The following PRKAR2A variants were observed in gnomAD, a reference collection of about 807,000 sequenced individuals.
PRKAR2A encodes the protein protein kinase cAMP-dependent type II regulatory subunit alpha, also known as cAMP-dependent protein kinase type II-alpha regulatory subunit.
A neutral mutation model predicts 51.9 loss-of-function variants in PRKAR2A; 29 were observed. The ratio of observed to expected loss-of-function variants is 0.56; its 90% CI spans 0.42 to 0.76. The LOEUF (loss-of-function observed/expected upper bound fraction) is 0.76, where lower values mean the gene tolerates loss of function less well. Ranked by LOEUF, PRKAR2A falls within the 30% of genes least tolerant of loss-of-function variation. PRKAR2A has a pLI of 0.00. For synonymous variants in PRKAR2A, 178 were observed against 186.2 expected, an observed-to-expected ratio of 0.96 and a Z score of 0.36; for missense variants, 445 against 512.1, an observed-to-expected ratio of 0.87 and a Z score of 1.26.
At chr3:48,800,214 A>C (rs1463088918) in intron 2 of PRKAR2A, among the ~76,000 whole-genome samples, 1 of 151,452 alleles carries the variant, frequency 6.6e-6, no homozygotes, top group African/African-American at 2.4e-5. Flanking sequence ...CTCAAAGATA[A>C]TTAATACTAA....
In PRKAR2A at chr3:48,753,993, G is replaced by T. The variant is rs538768876; in HGVS notation, c.940-1676C>A. 7.3e-5 allele frequency among the ~76,000 whole-genome samples: 11 copies of T among 151,304 alleles called. No homozygotes were observed. In the East Asian group the frequency reaches 2.1e-3, roughly 29 times the overall value. On this transcript the variant is annotated intron_variant, in intron 9 of 10. Transcript: ENST00000265563. Reference sequence around the variant, plus strand: ...GCTCACTGCAAGCTCTGCCTCCTGGGCTCATGCCATTCTCCTGCCTCAGCC... The same window carrying T: ...GCTCACTGCAAGCTCTGCCTCCTGGTCTCATGCCATTCTCCTGCCTCAGCC...
chr3:48,794,206 C>T (rs1454140461), intron 2 of PRKAR2A, among the ~76,000 whole-genome samples, 157 bp from the exon 3 acceptor site: 1 of 149,754 alleles, frequency 6.7e-6, no homozygotes, highest in Non-Finnish European at 1.5e-5. Flanking sequence ...GGCTGGAGTA[C>T]AGTGGCACAA....
At chr3:48,790,679 C>A in intron 3 of PRKAR2A, 52 bp from the exon 4 acceptor site, 1 of 1,152,970 alleles carries the variant, frequency 8.7e-7, no homozygotes, top group Non-Finnish European at 1.2e-6. Flanking sequence ...TTTAAAATAA[C>A]CACTTAAAGA....
At chr3:48,817,552 CAGG>C (rs1210449062) in intron 1 of PRKAR2A, among the ~76,000 whole-genome samples, 1 of 151,538 alleles carries the variant, frequency 6.6e-6, no homozygotes, top group Admixed American at 6.6e-5. Flanking sequence ...GAGGCTGAGG[CAGG>C]AGAATTGCTT....
At chr3:48,832,881 A>G (rs1190352065) in intron 1 of PRKAR2A, among the ~76,000 whole-genome samples, 1 of 152,288 alleles carries the variant, frequency 6.6e-6, no homozygotes, top group East Asian at 1.9e-4. Flanking sequence ...GCTAAAAACT[A>G]AGGCTGCTGT....
chr3:48,840,430 G>C (rs1247372135), intron 1 of PRKAR2A, among the ~76,000 whole-genome samples: 1 of 151,938 alleles, frequency 6.6e-6, no homozygotes, highest in Non-Finnish European at 1.5e-5. Context: ...AGGAGGTGGA[G>C]GTTGCAGTGA....
intron 1 of PRKAR2A, among the ~76,000 whole-genome samples, chr3:48,839,952 C>G (rs547201070): frequency 3.3e-5 from 5 of 152,228 alleles, no homozygotes; most frequent in African/African-American, 1.2e-4. Flanking sequence ...CAACCATCAC[C>G]ATTATCCAAC....
intron 1 of PRKAR2A, among the ~76,000 whole-genome samples, chr3:48,814,545 T>C (rs2082841812): frequency 6.6e-6 from 1 of 152,238 alleles, no homozygotes; most frequent in Non-Finnish European, 1.5e-5. Context: ...GTTTTCAACA[T>C]TTTAAGAAAA....
intron 1 of PRKAR2A, among the ~76,000 whole-genome samples, chr3:48,844,919 A>G (rs923045390): frequency 1.3e-5 from 2 of 151,754 alleles, no homozygotes; most frequent in African/African-American, 2.4e-5. Context: ...AGCATGGCAC[A>G]TGTATACATA....
chr3:48,843,774 G>A (rs1330733019), intron 1 of PRKAR2A, among the ~76,000 whole-genome samples: 4 of 152,170 alleles, frequency 2.6e-5, no homozygotes, highest in Middle Eastern at 6.8e-3. Context: ...GGGAAAACTG[G>A]CTAGCCATAT....
At chr3:48,781,117 T>C (rs1273712295) in intron 5 of PRKAR2A, among the ~76,000 whole-genome samples, 1 of 148,708 alleles carries the variant, frequency 6.7e-6, no homozygotes, top group Non-Finnish European at 1.5e-5. Flanking sequence ...ACCACAGGCG[T>C]GCACCACCAT....
chr3:48,792,886 G>A (rs2082413519), intron 3 of PRKAR2A, among the ~76,000 whole-genome samples: 1 of 151,814 alleles, frequency 6.6e-6, no homozygotes, highest in Non-Finnish European at 1.5e-5. Flanking sequence ...CCGAATTCAC[G>A]TCACTGCACT....
intron 1 of PRKAR2A, among the ~76,000 whole-genome samples, chr3:48,815,191 C>T (rs1450990375): frequency 3.9e-5 from 6 of 151,928 alleles, no homozygotes; most frequent in South Asian, 2.1e-4. Flanking sequence ...TGGAATTACA[C>T]GCGTTAGCCA....
At chr3:48,758,091 T>C (rs2081801293) in intron 8 of PRKAR2A, among the ~76,000 whole-genome samples, 1 of 150,146 alleles carries the variant, frequency 6.7e-6, no homozygotes, top group Non-Finnish European at 1.5e-5. Context: ...CATACATACA[T>C]ACATACATAC....
intron 3 of PRKAR2A, among the ~76,000 whole-genome samples, chr3:48,792,919 A>G (rs1208414348): frequency 6.6e-6 from 1 of 151,572 alleles, no homozygotes; most frequent in Non-Finnish European, 1.5e-5. Context: ...ACAGTGCGAG[A>G]CTCTGTCTCA....
intron 6 of PRKAR2A, among the ~76,000 whole-genome samples, chr3:48,766,918 T>A (rs2081950169): frequency 6.6e-6 from 1 of 152,110 alleles, no homozygotes; most frequent in Non-Finnish European, 1.5e-5. Context: ...GGTCAAGTGA[T>A]CTCCCCACCT....
intron 2 of PRKAR2A, among the ~76,000 whole-genome samples, chr3:48,807,233 A>G (rs1241877797): frequency 6.6e-6 from 1 of 152,110 alleles, no homozygotes; most frequent in Admixed American, 6.6e-5. Context: ...ACAAAACAAG[A>G]CAGAAAAAGC....
intron 9 of PRKAR2A, 36 bp from the exon 10 acceptor site, chr3:48,752,353 C>A (rs1479628088): frequency 1.2e-6 from 2 of 1,602,374 alleles, no homozygotes; most frequent in Non-Finnish European, 1.7e-6. Context: ...AGGCTGACTC[C>A]AGGATCACAG....
chr3:48,845,439 G>A (rs2083446637), intron 1 of PRKAR2A, among the ~76,000 whole-genome samples: 1 of 152,078 alleles, frequency 6.6e-6, no homozygotes, highest in Non-Finnish European at 1.5e-5. Flanking sequence ...TTGAATACTG[G>A]GCCAGACCAG....
Sources: gnomAD v4.1 joint callset for allele counts (sites outside exome capture counted in the v4.1 genomes callset) on GRCh38, gnomAD v4.1.1 for gene constraint, MANE v1.5 for transcripts, NCBI Gene and HGNC (gene_info 2026-07-23, HGNC 2026-07-21) for gene names.